The following NEGR1 variants were observed in gnomAD, a reference collection of about 807,000 sequenced individuals.
The protein encoded by NEGR1 is neuronal growth regulator 1, also known as IgLON family member 4.
Under a neutral mutation model 40.9 loss-of-function variants are expected in NEGR1, and 10 were observed. The observed-to-expected ratio is 0.24, with a 90% CI of 0.15 to 0.42. The LOEUF is 0.42. NEGR1 is among the 10% of genes least tolerant of loss of function. The pLI is 1.00. For synonymous variants in NEGR1, 185 were observed against 166.8 expected (o/e 1.11, Z -0.84); for missense variants, 352 against 438.9 (o/e 0.80, Z 1.77).
At chr1:71,752,055 T>C (rs74605865) in intron 3 of NEGR1, among the ~76,000 whole-genome samples, 2,822 of 152,294 alleles carry the variant, frequency 0.019, 54 homozygotes, top group Non-Finnish European at 0.025. Flanking sequence ...CATTTCTCTA[T>C]AGGAATTATA....
chr1:71,843,494 A>G (rs150416119), intron 2 of NEGR1, among the ~76,000 whole-genome samples: 3 of 152,284 alleles, frequency 2.0e-5, no homozygotes, highest in Non-Finnish European at 4.4e-5. Flanking sequence ...AGACAAGTCC[A>G]CTAAGCAAGG....
chr1:72,025,201 A>G (rs1393655429), intron 1 of NEGR1, among the ~76,000 whole-genome samples: 5 of 152,152 alleles, frequency 3.3e-5, no homozygotes, highest in Non-Finnish European at 5.9e-5. Context: ...GACTCCATCA[A>G]AAAAAGCCAG....
At chr1:71,568,704 G>T (rs1648702362) in intron 6 of NEGR1, among the ~76,000 whole-genome samples, 1 of 151,852 alleles carries the variant, frequency 6.6e-6, no homozygotes, top group African/African-American at 2.4e-5. Flanking sequence ...CATATGGTGG[G>T]TGTATATATA....
chr1:72,158,025 G>T (rs140368147), intron 1 of NEGR1, among the ~76,000 whole-genome samples: 4 of 152,190 alleles, frequency 2.6e-5, no homozygotes, highest in Admixed American at 1.3e-4. Context: ...TAGAGCCAGG[G>T]ACTCCCTAAA....
At chr1:72,041,183 T>C (rs945715641) in intron 1 of NEGR1, among the ~76,000 whole-genome samples, 3 of 152,030 alleles carry the variant, frequency 2.0e-5, no homozygotes, top group Non-Finnish European at 2.9e-5. Flanking sequence ...ATTCTTTGTA[T>C]ACCTGTTATT....
intron 4 of NEGR1, among the ~76,000 whole-genome samples, chr1:71,637,148 T>C (rs970911879): frequency 6.6e-6 from 1 of 152,060 alleles, no homozygotes; most frequent in Non-Finnish European, 1.5e-5. Context: ...GCACATATCA[T>C]TGATTTGAAC....
chr1:72,096,323 ATTAT>A (rs1648695351), intron 1 of NEGR1, among the ~76,000 whole-genome samples: 1 of 152,138 alleles, frequency 6.6e-6, no homozygotes, highest in Non-Finnish European at 1.5e-5. Context: ...AAAGTAAGTG[ATTAT>A]TTATTATTTT....
chr1:71,916,521 A>G (rs1177603414), intron 2 of NEGR1, among the ~76,000 whole-genome samples: 1 of 152,098 alleles, frequency 6.6e-6, no homozygotes, highest in Non-Finnish European at 1.5e-5. Context: ...GGGAGGCCGA[A>G]GCGGGTGGAT....
intron 1 of NEGR1, among the ~76,000 whole-genome samples, chr1:72,063,189 A>G (rs891253548): frequency 2.6e-5 from 4 of 151,974 alleles, no homozygotes; most frequent in Admixed American, 6.6e-5. Context: ...TTTTTCCTGG[A>G]TAATCTATCA....
chr1:72,025,288 G>T (rs916235451), intron 1 of NEGR1, among the ~76,000 whole-genome samples: 3 of 152,036 alleles, frequency 2.0e-5, no homozygotes, highest in African/African-American at 7.2e-5. Flanking sequence ...GACACTGAGT[G>T]AGTTTTATTC....
intron 4 of NEGR1, among the ~76,000 whole-genome samples, chr1:71,650,593 C>T (rs1173863681): frequency 6.6e-6 from 1 of 152,002 alleles, no homozygotes. Flanking sequence ...AAGTTTTCTC[C>T]CTGTTGTTTG....
chr1:71,894,084 A>AG (rs949838161), intron 2 of NEGR1, among the ~76,000 whole-genome samples: 1 of 107,938 alleles, frequency 9.3e-6, no homozygotes, highest in African/African-American at 3.5e-5. Flanking sequence ...GGGTCGGGGG[A>AG]GGGGGGAGGG....
intron 4 of NEGR1, among the ~76,000 whole-genome samples, chr1:71,663,739 A>G (rs1486556235): frequency 6.6e-6 from 1 of 152,172 alleles, no homozygotes; most frequent in East Asian, 1.9e-4. Flanking sequence ...GCCTTCATAC[A>G]TGATTGATAG....
At chr1:71,728,008 A>C (rs1416366829) in intron 3 of NEGR1, among the ~76,000 whole-genome samples, 1 of 152,166 alleles carries the variant, frequency 6.6e-6, no homozygotes, top group Non-Finnish European at 1.5e-5. Flanking sequence ...CTAAGCAAGA[A>C]GTCATAAGCC....
chr1:72,174,345 C>T (rs1158476122), intron 1 of NEGR1, among the ~76,000 whole-genome samples: 3 of 152,084 alleles, frequency 2.0e-5, no homozygotes, highest in African/African-American at 7.2e-5. Flanking sequence ...ACGGTTATCA[C>T]CCAAAGTTCA....
At chr1:71,683,647 T>A (rs1330298516) in intron 4 of NEGR1, among the ~76,000 whole-genome samples, 5 of 152,080 alleles carry the variant, frequency 3.3e-5, no homozygotes, top group African/African-American at 1.2e-4. Flanking sequence ...CATTTTTTCA[T>A]AATAAAAGAC....
rs1209264224 is a variant in NEGR1 at position 72,114,952 on chromosome 1, A to G, written c.176+167367T>C. Among the ~76,000 whole-genome samples, 20 of 151,894 alleles carry G rather than the reference A, an allele frequency of 1.3e-4. 1 individual carries two copies. In the East Asian group the frequency reaches 3.9e-3, roughly 30 times the overall value. The stretch of plus-strand genomic sequence containing the variant: ...GAACAAAGTTGAGTATTGTAACAAG[A>G]CACCGTGTTATATTTGTCACTATTG... On this transcript the variant is annotated intron_variant, in intron 1 of 6. Transcript: ENST00000357731.
intron 6 of NEGR1, among the ~76,000 whole-genome samples, chr1:71,507,223 T>G (rs1409260012): frequency 1.3e-5 from 2 of 152,210 alleles, no homozygotes; most frequent in African/African-American, 4.8e-5. Flanking sequence ...AGGCAAAAAT[T>G]AGACTATTTA....
At chr1:71,909,731 A>C (rs1661372345) in intron 2 of NEGR1, among the ~76,000 whole-genome samples, 1 of 152,198 alleles carries the variant, frequency 6.6e-6, no homozygotes, top group South Asian at 2.1e-4. Context: ...TTACTTCCAA[A>C]TGTAAGCCTC....
Sources: allele counts gnomAD v4.1 joint callset (sites outside exome capture counted in the v4.1 genomes callset), GRCh38; gene constraint gnomAD v4.1.1; transcripts MANE v1.5; gene names NCBI Gene and HGNC (gene_info 2026-07-23, HGNC 2026-07-21).